PLXNC1: variants seen among roughly 807,000 people sequenced by gnomAD.
PLXNC1 encodes the protein plexin C1.
Under a neutral mutation model 178.2 loss-of-function variants are expected in PLXNC1, and 75 were observed. That is an observed-to-expected ratio of 0.42 (90% CI 0.35 to 0.51). PLXNC1 has a LOEUF of 0.51. PLXNC1 is among the 20% of genes least tolerant of loss of function. The pLI is 0.02. For missense variants in PLXNC1, 1,503 were observed against 1,984.4 expected (o/e 0.76, Z 4.61); for synonymous variants, 790 against 779.9 (o/e 1.01, Z -0.22).
At chr12:94,245,145 C>G (rs1415010674) in intron 12 of PLXNC1, among the ~76,000 whole-genome samples, 1 of 152,172 alleles carries the variant, frequency 6.6e-6, no homozygotes, top group Non-Finnish European at 1.5e-5. Flanking sequence ...GTATCTGACT[C>G]CAGGCCTCAT....
chr12:94,274,155 TAAAA>T (rs3060881), intron 21 of PLXNC1, among the ~76,000 whole-genome samples: 5,410 of 44,718 alleles, frequency 0.12, 168 homozygotes, highest in East Asian at 0.17. Flanking sequence ...ACCCTGTCTC[TAAAA>T]AAAAAAAAAA....
chr12:94,257,777 G>A (rs951256087), intron 17 of PLXNC1, among the ~76,000 whole-genome samples: 1 of 151,468 alleles, frequency 6.6e-6, no homozygotes, highest in African/African-American at 2.4e-5. Flanking sequence ...CATGGTGGCG[G>A]GCGCCTGTAG....
At chr12:94,182,609 C>T (rs1462821083) in intron 3 of PLXNC1, among the ~76,000 whole-genome samples, 3 of 151,314 alleles carry the variant, frequency 2.0e-5, no homozygotes, top group Admixed American at 2.0e-4. Context: ...CCTGTAATCC[C>T]AGCTACTTGG....
At chr12:94,151,377 C>T (rs1274679971) in intron 1 of PLXNC1, among the ~76,000 whole-genome samples, 1 of 152,228 alleles carries the variant, frequency 6.6e-6, no homozygotes, top group African/African-American at 2.4e-5. Context: ...CTTGCTGCTG[C>T]TTCTTTGCCT....
chr12:94,274,179 A>AAAAAAAAAAAAAAAG, intron 21 of PLXNC1, among the ~76,000 whole-genome samples: 1 of 149,794 alleles, frequency 6.7e-6, no homozygotes, highest in African/African-American at 2.5e-5. Context: ...AAAAAAAAAA[A>AAAAAAAAAAAAAAAG]AAAAAAAATT....
chr12:94,184,087 G>A (rs902771158), intron 3 of PLXNC1, among the ~76,000 whole-genome samples: 6 of 151,470 alleles, frequency 4.0e-5, no homozygotes, highest in African/African-American at 1.5e-4. Flanking sequence ...TAGAGGGCAG[G>A]TCTAATGTAG....
chr12:94,154,006 G>C (rs920468470), intron 1 of PLXNC1, among the ~76,000 whole-genome samples: 1 of 152,140 alleles, frequency 6.6e-6, no homozygotes, highest in African/African-American at 2.4e-5. Context: ...TAGACTAGAT[G>C]GTGATTTTAC....
At position 94,305,499 on chromosome 12, in the gene PLXNC1, G is replaced by A. The variant is rs1968913413; in HGVS notation, c.*214G>A. On this transcript the variant is annotated 3_prime_UTR_variant, in exon 31 of 31. Coordinates refer to ENST00000258526, the MANE Select transcript of PLXNC1 (RefSeq NM_005761.3). ...TACCGTGGGAACCCTTCTGTAAATAGAGTTGAAGTGGTTGTTGCAAACAGC... is the reference window on the plus strand; with the variant it reads ...TACCGTGGGAACCCTTCTGTAAATAAAGTTGAAGTGGTTGTTGCAAACAGC... 2.1e-6 allele frequency: 1 copy of A among 469,624 alleles called. No homozygotes were observed. Among genetic ancestry groups the A allele is most frequent in the Non-Finnish European group, 3.8e-6 (1 of 263,240 alleles). 29.1% of individuals were successfully genotyped at this position (469,624 alleles called of 1,614,324 possible). A position where few individuals can be genotyped will look rare whatever the true frequency, so the allele number is the denominator to read the frequency against.
intron 9 of PLXNC1, among the ~76,000 whole-genome samples, chr12:94,229,516 G>T (rs1453745155): frequency 1.3e-5 from 2 of 152,044 alleles, no homozygotes; most frequent in East Asian, 3.8e-4. Context: ...GCATTTATTT[G>T]TAAAGGTCTG....
chr12:94,212,219 A>T, intron 5 of PLXNC1, among the ~76,000 whole-genome samples: 1 of 137,880 alleles, frequency 7.3e-6, no homozygotes, highest in East Asian at 2.3e-4. Context: ...GCTTGCAGTG[A>T]GCCGAGATCC....
At chr12:94,237,016 C>A (rs1964261363) in intron 9 of PLXNC1, among the ~76,000 whole-genome samples, 1 of 152,152 alleles carries the variant, frequency 6.6e-6, no homozygotes, top group African/African-American at 2.4e-5. Context: ...GGGACATGTT[C>A]TTGACCTTAG....
chr12:94,303,731 G>GGTTT, intron 28 of PLXNC1, 25 bp from the exon 29 acceptor site: 1 of 1,113,696 alleles, frequency 9.0e-7, no homozygotes, highest in Non-Finnish European at 1.2e-6. Context: ...GGTGATGGTT[G>GGTTT]CTTTTTTTTT....
intron 2 of PLXNC1, among the ~76,000 whole-genome samples, chr12:94,178,782 A>G (rs1050931521): frequency 6.6e-6 from 1 of 152,262 alleles, no homozygotes; most frequent in African/African-American, 2.4e-5. Flanking sequence ...TTAAATTTAA[A>G]TAGCCATTAT....
chr12:94,189,573 G>C (rs566855974), intron 4 of PLXNC1, among the ~76,000 whole-genome samples: 2 of 152,040 alleles, frequency 1.3e-5, no homozygotes, highest in African/African-American at 2.4e-5. Context: ...CCAGCTACTC[G>C]GGAGGTTAAG....
intron 20 of PLXNC1, among the ~76,000 whole-genome samples, chr12:94,262,370 TC>T (rs1965014412): frequency 6.6e-6 from 1 of 152,226 alleles, no homozygotes; most frequent in South Asian, 2.1e-4. Flanking sequence ...TGCCTTTAAA[TC>T]CCTTTCCAGC....
chr12:94,240,388 G>T lies in PLXNC1; in HGVS notation c.2121-97G>T, dbSNP rs1964356092. The stretch of plus-strand genomic sequence containing the variant: ...CAGCTGTTCTGCTCCTTCATGAAGT[G>T]TTGTAGTTCAAGTGAAATTCATTTG... On this transcript the variant is annotated intron_variant, in intron 10 of 30. Coordinates refer to ENST00000258526, the MANE Select transcript of PLXNC1 (RefSeq NM_005761.3). 3 of 920,916 alleles carry T rather than the reference G, an allele frequency of 3.3e-6. No individual in the cohort carries two copies. In the East Asian group the frequency reaches 7.4e-5, roughly 23 times the overall value. The allele number at this position is 920,916 out of a possible 1,614,324, so 57.0% of individuals were successfully genotyped here.
At position 94,260,191 on chromosome 12, in the gene PLXNC1, C is replaced by T. The variant is rs1230300795; in HGVS notation, c.3252-451C>T. 6.6e-6 allele frequency among the ~76,000 whole-genome samples: 1 copy of T among 152,008 alleles called. No individual in the cohort carries two copies. The highest frequency in any genetic ancestry group is 2.1e-4 in the South Asian group (1 of 4,822). ...CCTCAGCCTCCCCAAGTAGCTGGAA[C>T]TACAGGTGCATGCCACCACACCCAG... On this transcript the variant is annotated intron_variant, in intron 19 of 30. Coordinates refer to ENST00000258526, the MANE Select transcript of PLXNC1 (RefSeq NM_005761.3). The surrounding 1 kb of genome is among the most constrained non-coding windows in gnomAD (Gnocchi z 4.4).
chr12:94,226,666 C>A lies in PLXNC1; in HGVS notation c.1852C>A (p.Pro618Thr), dbSNP rs1254405694. ...TAAAAGTGCAAGAAGGTGTATCCAC[C>A]CCTTCACAGCTTGCGACCCTTCTGA... ...WCKSARRCIH[P>T]FTACDPSDYE... The change falls in exon 8 of 31, where the codon CCC becomes ACC. Residue 618 changes from proline to threonine, a missense_variant. Around this residue, in one of 4 missense-constraint regions of PLXNC1, gnomAD observed 615 missense variants for 698.6 expected, o/e 0.88. Transcript: ENST00000258526. The A allele has an allele frequency of 1.2e-6, 2 of 1,613,538 alleles. No homozygotes were observed. The highest frequency in any genetic ancestry group is 1.7e-5 in the Admixed American group (1 of 60,024).
At chr12:94,248,558 C>A in intron 14 of PLXNC1, 146 bp downstream of exon 14, 1 of 680,930 alleles carries the variant, frequency 1.5e-6, no homozygotes, top group Non-Finnish European at 2.4e-6. Flanking sequence ...ACTGCGAGCC[C>A]AAGCAAAATA....
Sources: allele counts gnomAD v4.1 joint callset (sites outside exome capture counted in the v4.1 genomes callset), GRCh38; gene constraint gnomAD v4.1.1; regional missense constraint gnomAD v4.1.1; non-coding constraint Gnocchi (gnomAD v3.1); transcripts MANE v1.5; gene names NCBI Gene and HGNC (gene_info 2026-07-23, HGNC 2026-07-21).